PRKG1: variants seen among roughly 807,000 people sequenced by gnomAD.
PRKG1 encodes cGMP-dependent protein kinase 1.
A neutral mutation model predicts 88.1 loss-of-function variants in PRKG1; 35 were observed. That is an observed-to-expected ratio of 0.40 (90% CI 0.30 to 0.53). PRKG1 has a LOEUF of 0.53. Among genes scored for constraint, PRKG1 ranks in the 20% least tolerant of loss-of-function variants. The pLI is 0.59. For synonymous variants in PRKG1, 303 were observed against 292.5 expected (o/e 1.04, Z -0.37); for missense variants, 540 against 839.8 (o/e 0.64, Z 4.41).
chr10:51,718,966 G>T (rs553135457), intron 3 of PRKG1, among the ~76,000 whole-genome samples: 1 of 152,082 alleles, frequency 6.6e-6, no homozygotes, highest in African/African-American at 2.4e-5. Context: ...AAATAACAAA[G>T]GAAGACTATC....
chr10:52,023,739 C>T (rs947828399), intron 5 of PRKG1, among the ~76,000 whole-genome samples: 2 of 152,152 alleles, frequency 1.3e-5, no homozygotes, highest in Non-Finnish European at 2.9e-5. Flanking sequence ...TGTTCATATC[C>T]TTCGCTCACT....
intron 5 of PRKG1, among the ~76,000 whole-genome samples, chr10:51,997,815 C>A (rs1377509865): frequency 6.6e-6 from 1 of 151,850 alleles, no homozygotes; most frequent in Non-Finnish European, 1.5e-5. Flanking sequence ...CTTTTCTCTC[C>A]TTTCCTTCCC....
chr10:51,948,465 GA>G (rs1217366190), intron 5 of PRKG1, among the ~76,000 whole-genome samples: 2 of 151,972 alleles, frequency 1.3e-5, no homozygotes, highest in African/African-American at 4.8e-5. Flanking sequence ...TACTGCAAGG[GA>G]TAAGGGTTTT....
At chr10:51,833,765 C>G (rs1291066042) in intron 4 of PRKG1, among the ~76,000 whole-genome samples, 1 of 152,112 alleles carries the variant, frequency 6.6e-6, no homozygotes, top group Non-Finnish European at 1.5e-5. Flanking sequence ...ATTACAATCA[C>G]CTTGCTTTGC....
chr10:51,747,359 G>A (rs1837608200), intron 3 of PRKG1, among the ~76,000 whole-genome samples: 1 of 152,116 alleles, frequency 6.6e-6, no homozygotes, highest in Non-Finnish European at 1.5e-5. Context: ...TATTGAAGAA[G>A]CCACTCACTG....
chr10:51,018,059 C>A (rs1411194856), intron 1 of PRKG1, among the ~76,000 whole-genome samples: 1 of 151,992 alleles, frequency 6.6e-6, no homozygotes, highest in Non-Finnish European at 1.5e-5. Flanking sequence ...TGGGCTCAAG[C>A]AATCTACGCA....
chr10:51,672,352 A>C (rs1275860342), intron 3 of PRKG1, among the ~76,000 whole-genome samples: 1 of 151,892 alleles, frequency 6.6e-6, no homozygotes, highest in Non-Finnish European at 1.5e-5. Context: ...AAGTTTACTA[A>C]TTCTCTCTTT....
At chr10:52,082,998 G>A (rs555112278) in intron 7 of PRKG1, among the ~76,000 whole-genome samples, 13 of 151,998 alleles carry the variant, frequency 8.6e-5, no homozygotes, top group African/African-American at 2.9e-4. Flanking sequence ...AAAAATACAC[G>A]GATTATGGAT....
At chr10:51,921,902 G>A (rs577768337) in intron 5 of PRKG1, among the ~76,000 whole-genome samples, 2 of 151,972 alleles carry the variant, frequency 1.3e-5, no homozygotes, top group South Asian at 2.1e-4. Flanking sequence ...TTCTAATTTT[G>A]GTATAAGGGT....
intron 2 of PRKG1, among the ~76,000 whole-genome samples, chr10:51,257,130 G>A (rs1839582672): frequency 6.6e-6 from 1 of 151,330 alleles, no homozygotes; most frequent in Non-Finnish European, 1.5e-5. Flanking sequence ...AAAAAATGAT[G>A]GCATCATTAA....
At chr10:51,403,301 A>G (rs1296775981) in intron 2 of PRKG1, among the ~76,000 whole-genome samples, 1 of 152,190 alleles carries the variant, frequency 6.6e-6, no homozygotes, top group African/African-American at 2.4e-5. Flanking sequence ...TAATGCTCTT[A>G]TTTTGAAATA....
chr10:51,936,942 G>A (rs1245598056), intron 5 of PRKG1, among the ~76,000 whole-genome samples: 3 of 148,372 alleles, frequency 2.0e-5, no homozygotes, highest in Non-Finnish European at 4.4e-5. Context: ...CTTTCTTGGA[G>A]GAATTGATAT....
chr10:51,608,320 G>C (rs990309720), intron 3 of PRKG1, among the ~76,000 whole-genome samples: 10 of 152,186 alleles, frequency 6.6e-5, no homozygotes, highest in African/African-American at 7.2e-5. Flanking sequence ...CCTTCTCCCT[G>C]AGAAGTGTGG....
chr10:51,930,125 A>C (rs1842658271), intron 5 of PRKG1, among the ~76,000 whole-genome samples: 1 of 152,156 alleles, frequency 6.6e-6, no homozygotes, highest in African/African-American at 2.4e-5. Context: ...ATTTATGCTA[A>C]GTGAAATAAG....
At chr10:51,452,398 C>A (rs535847882) in intron 2 of PRKG1, among the ~76,000 whole-genome samples, 1 of 151,932 alleles carries the variant, frequency 6.6e-6, no homozygotes. Flanking sequence ...TTCAACTTTT[C>A]CCCATTCAGT....
At chr10:51,974,691 A>G (rs550368108) in intron 5 of PRKG1, among the ~76,000 whole-genome samples, 44 of 152,138 alleles carry the variant, frequency 2.9e-4, no homozygotes, top group Non-Finnish European at 5.1e-4. Flanking sequence ...TGTTCACCTT[A>G]ACTTCTCCAG....
intron 2 of PRKG1, among the ~76,000 whole-genome samples, chr10:51,246,649 T>A (rs1382349259): frequency 2.6e-5 from 4 of 151,998 alleles, no homozygotes; most frequent in African/African-American, 9.7e-5. Flanking sequence ...TATCTATCAT[T>A]TTTCAACTTT....
intron 1 of PRKG1, among the ~76,000 whole-genome samples, chr10:50,992,874 A>C (rs2816835): frequency 0.87 from 132,915 of 152,062 alleles, 58,200 homozygotes; most frequent in East Asian, 0.94. Context: ...TTCCATTAGG[A>C]GTGCCTTCAT....
At chr10:51,899,333 A>G (rs1018773106) in intron 4 of PRKG1, among the ~76,000 whole-genome samples, 2 of 152,080 alleles carry the variant, frequency 1.3e-5, no homozygotes, top group African/African-American at 2.4e-5. Flanking sequence ...CATAAAGTCT[A>G]TTTTTAATTA....
Sources: allele counts gnomAD v4.1 joint callset (sites outside exome capture counted in the v4.1 genomes callset), GRCh38; gene constraint gnomAD v4.1.1; transcripts MANE v1.5; gene names NCBI Gene and HGNC (gene_info 2026-07-23, HGNC 2026-07-21).